Variants in FRMPD4 observed in about 807,000 individuals in gnomAD.
FRMPD4 encodes the protein FERM and PDZ domain containing 4.
FRMPD4 carries 22 observed loss-of-function variants against 94.1 expected under a neutral mutation model. That is an observed-to-expected ratio of 0.23 (90% CI 0.17 to 0.33). The LOEUF is 0.33. Ranked by LOEUF, FRMPD4 falls within the 10% of genes least tolerant of loss-of-function variation. The pLI is 1.00. For missense variants in FRMPD4, 1,111 were observed against 1,339.9 expected (o/e 0.83, Z 2.67); for synonymous variants, 631 against 548.6 (o/e 1.15, Z -2.10).
At chrX:12,388,377 C>T (rs1484870104) in intron 1 of FRMPD4, among the ~76,000 whole-genome samples, 5 of 111,393 alleles carry the variant, frequency 4.5e-5, no homozygotes, top group African/African-American at 1.6e-4. Flanking sequence ...GAGGCCAAAG[C>T]GGGCAGATCA....
At chrX:12,020,770 C>T (rs2054628343) in intron 3 of FRMPD4, among the ~76,000 whole-genome samples, 1 of 111,647 alleles carries the variant, frequency 9.0e-6, no homozygotes, top group Admixed American at 9.5e-5. Flanking sequence ...ATTAATCAAC[C>T]CCCTTTGAGT....
chrX:12,111,504 G>A (rs1213366721), intron 3 of FRMPD4, among the ~76,000 whole-genome samples: 1 of 111,143 alleles, frequency 9.0e-6, no homozygotes, highest in Non-Finnish European at 1.9e-5. Flanking sequence ...CAGGACATAG[G>A]CATGGGCAAG....
At chrX:12,332,374 A>G (rs984662551) in intron 1 of FRMPD4, among the ~76,000 whole-genome samples, 1 of 107,626 alleles carries the variant, frequency 9.3e-6, no homozygotes, top group African/African-American at 3.4e-5. Context: ...TATTGGGGAA[A>G]AGTTTAATGC....
chrX:12,480,212 G>A (rs2057664145), intron 1 of FRMPD4, among the ~76,000 whole-genome samples: 1 of 109,463 alleles, frequency 9.1e-6, no homozygotes, highest in South Asian at 4.1e-4. Flanking sequence ...GAAGGCTGGT[G>A]GTGGTTAAGA....
chrX:12,477,648 G>T (rs1951732585), intron 1 of FRMPD4, among the ~76,000 whole-genome samples: 1 of 112,052 alleles, frequency 8.9e-6, no homozygotes, highest in African/African-American at 3.2e-5. Context: ...TAGACAGTGA[G>T]ATTTTTAAGA....
At chrX:12,251,560 T>C (rs931377936) in intron 1 of FRMPD4, among the ~76,000 whole-genome samples, 2 of 111,861 alleles carry the variant, frequency 1.8e-5, no homozygotes, top group African/African-American at 6.5e-5. Context: ...GCTACCCCTA[T>C]GAGACATTTC....
At chrX:12,077,726 T>C in intron 3 of FRMPD4, among the ~76,000 whole-genome samples, 1 of 110,825 alleles carries the variant, frequency 9.0e-6, no homozygotes, top group South Asian at 3.9e-4. Flanking sequence ...AGATACCATT[T>C]TATGCTGTTC....
At chrX:12,678,442 A>G (rs1287748268) in intron 5 of FRMPD4, among the ~76,000 whole-genome samples, 1 of 111,911 alleles carries the variant, frequency 8.9e-6, no homozygotes, top group East Asian at 2.8e-4. Flanking sequence ...TTCATTGGCC[A>G]GCTCCTTCCT....
At chrX:12,550,349 C>A (rs769104129) in intron 2 of FRMPD4, among the ~76,000 whole-genome samples, 2 of 55,669 alleles carry the variant, frequency 3.6e-5, no homozygotes, top group South Asian at 7.7e-4. Flanking sequence ...AATAACCAAG[C>A]CAAAATGTAA....
At chrX:12,241,921 A>G (rs1476072997) in intron 1 of FRMPD4, among the ~76,000 whole-genome samples, 1 of 95,140 alleles carries the variant, frequency 1.1e-5, no homozygotes, top group Non-Finnish European at 2.1e-5. Flanking sequence ...AAGAAGAAGA[A>G]GGAGAAGGAG....
At chrX:11,860,572 G>C (rs1238251189) in intron 1 of FRMPD4, among the ~76,000 whole-genome samples, 4 of 112,232 alleles carry the variant, frequency 3.6e-5, no homozygotes, top group Non-Finnish European at 5.6e-5. Flanking sequence ...TATTAGTATT[G>C]TGTTCTCCCT....
At chrX:12,229,799 A>C (rs1172633597) in intron 1 of FRMPD4, among the ~76,000 whole-genome samples, 1 of 111,943 alleles carries the variant, frequency 8.9e-6, no homozygotes, top group East Asian at 2.8e-4. Flanking sequence ...GAACATGTCT[A>C]TGCCAGCTGC....
At chrX:12,295,223 G>A (rs2054753378) in intron 1 of FRMPD4, among the ~76,000 whole-genome samples, 1 of 112,332 alleles carries the variant, frequency 8.9e-6, no homozygotes, top group African/African-American at 3.2e-5. Context: ...GAATCTATAG[G>A]AGAAACCAAA....
chrX:12,409,619 G>T (rs1203427855), intron 1 of FRMPD4, among the ~76,000 whole-genome samples: 1 of 112,331 alleles, frequency 8.9e-6, no homozygotes, highest in Non-Finnish European at 1.9e-5. Flanking sequence ...GCTAAAAATA[G>T]ATGAGCAGAA....
intron 3 of FRMPD4, among the ~76,000 whole-genome samples, chrX:12,031,082 G>GA (rs2054688858): frequency 1.8e-5 from 2 of 112,243 alleles, no homozygotes; most frequent in Admixed American, 9.4e-5. Flanking sequence ...AAACTATAAT[G>GA]TAACAACACC....
chrX:12,354,622 A>G (rs1011251325), intron 1 of FRMPD4, among the ~76,000 whole-genome samples: 1 of 112,532 alleles, frequency 8.9e-6, no homozygotes, highest in Non-Finnish European at 1.9e-5. Context: ...CCAAGACGTC[A>G]TTCCTTTGCT....
At chrX:12,588,730 G>C (rs1392138028) in intron 2 of FRMPD4, among the ~76,000 whole-genome samples, 4 of 111,622 alleles carry the variant, frequency 3.6e-5, no homozygotes, top group African/African-American at 1.3e-4. Context: ...AATCTCCCAC[G>C]CCACAAGGAA....
chrX:12,285,864 C>T (rs1392883765), intron 1 of FRMPD4, among the ~76,000 whole-genome samples: 6 of 111,875 alleles, frequency 5.4e-5, no homozygotes, highest in East Asian at 5.6e-4. Flanking sequence ...CACAAAAGCC[C>T]TCATATGTAC....
intron 1 of FRMPD4, among the ~76,000 whole-genome samples, chrX:12,478,515 C>T (rs1276648950): frequency 4.5e-5 from 5 of 111,843 alleles, no homozygotes; most frequent in Middle Eastern, 4.2e-3. Context: ...TCCTGGAGGT[C>T]GAGGCTGCAG....
Sources: allele counts gnomAD v4.1 joint callset (sites outside exome capture counted in the v4.1 genomes callset), GRCh38; gene constraint gnomAD v4.1.1; transcripts MANE v1.5; gene names NCBI Gene and HGNC (gene_info 2026-07-23, HGNC 2026-07-21).